Variants in PTPN21 observed in about 807,000 individuals in gnomAD.
The protein encoded by PTPN21 is tyrosine-protein phosphatase non-receptor type 21.
In PTPN21, 77 loss-of-function variants were observed where a neutral mutation model predicts 131.8. The ratio of observed to expected loss-of-function variants is 0.58; its 90% CI spans 0.49 to 0.71. The LOEUF (loss-of-function observed/expected upper bound fraction) is 0.71. Among genes scored for constraint, PTPN21 ranks in the 30% least tolerant of loss-of-function variants. PTPN21 has a pLI of 0.00. For synonymous variants in PTPN21, 715 were observed against 621.3 expected (o/e 1.15, Z -2.24); for missense variants, 1,552 against 1,527.1 (o/e 1.02, Z -0.27).
chr14:88,520,576 A>T (rs1455484346), intron 2 of PTPN21, among the ~76,000 whole-genome samples: 2 of 152,228 alleles, frequency 1.3e-5, no homozygotes, highest in African/African-American at 4.8e-5. Flanking sequence ...TATGTATCAT[A>T]CATTTATAGA....
At chr14:88,515,940 T>C (rs902823916) in intron 3 of PTPN21, among the ~76,000 whole-genome samples, 9 of 152,224 alleles carry the variant, frequency 5.9e-5, no homozygotes, top group African/African-American at 9.6e-5. Flanking sequence ...CTCAGACTTT[T>C]ACAGTCAGTT....
intron 10 of PTPN21, among the ~76,000 whole-genome samples, chr14:88,492,064 A>C (rs1204086399): frequency 2.0e-5 from 3 of 152,032 alleles, no homozygotes; most frequent in Admixed American, 1.3e-4. Context: ...ACAAACAAAC[A>C]AAAAACAGGC....
chr14:88,550,751 C>T (rs1228722216), intron 1 of PTPN21, 132 bp from the exon 2 acceptor site: 2 of 228,702 alleles, frequency 8.7e-6, no homozygotes, highest in African/African-American at 4.5e-5. Context: ...TAACAGGACC[C>T]GGAAGGCAGG....
In PTPN21 at chr14:88,479,427, G is replaced by C; in HGVS notation, c.2004C>G (p.Ala668=). 6.2e-7 allele frequency: 1 copy of C among 1,601,998 alleles called. No individual in the cohort carries two copies. The highest frequency in any genetic ancestry group is 1.1e-5 in the South Asian group (1 of 91,022). ...SASAAEVAPR[A]VSVGSQPSVF... The stretch of plus-strand genomic sequence containing the variant: ...CGCTGGGCTGGGAGCCCACCGAGAC[G>C]GCTCGCGGCGCCACCTCTGCCGCCG... Residue 668 remains alanine, a synonymous_variant, in exon 13 of 19, where the codon GCC becomes GCG. Coordinates refer to ENST00000556564, the MANE Select transcript of PTPN21 (RefSeq NM_007039.4).
At chr14:88,538,236 A>G (rs1476547958) in intron 2 of PTPN21, among the ~76,000 whole-genome samples, 2 of 152,260 alleles carry the variant, frequency 1.3e-5, no homozygotes, top group Non-Finnish European at 2.9e-5. Context: ...AAAGGCAGCC[A>G]GCACTTCAAC....
chr14:88,495,528 C>T (rs558259464), intron 10 of PTPN21, among the ~76,000 whole-genome samples: 6 of 152,178 alleles, frequency 3.9e-5, no homozygotes, highest in East Asian at 1.9e-4. Flanking sequence ...GGTGTGGTGG[C>T]GCATGCCTGT....
intron 3 of PTPN21, among the ~76,000 whole-genome samples, chr14:88,512,020 T>A (rs7148595): frequency 0.055 from 8,364 of 152,034 alleles, 357 homozygotes; most frequent in South Asian, 0.12. Flanking sequence ...GGCATCGGCA[T>A]TTTTATTTTT....
At position 88,467,883 on chromosome 14, in the gene PTPN21, A is replaced by G. The variant is rs1186549168; in HGVS notation, c.*254T>C. ...CTCCAAAATGTGTGCAAGTACTGCA[A>G]ACCGGACAGACCGGGGCAGGGCAAG... On this transcript the variant is annotated 3_prime_UTR_variant, in exon 19 of 19. Coordinates refer to ENST00000556564, the MANE Select transcript of PTPN21 (RefSeq NM_007039.4). 1.9e-6 allele frequency: 1 copy of G among 518,376 alleles called. No individual in the cohort carries two copies. Among genetic ancestry groups the G allele is most frequent in the Admixed American group, 3.6e-5 (1 of 27,410 alleles). 32.1% of individuals were successfully genotyped at this position (518,376 alleles called of 1,614,324 possible).
rs1264745697 is a variant in PTPN21 at position 88,469,751 on chromosome 14, G to A, written c.3001-18C>T. ...CCACCCTCCTGTTAAAGATGAGCAT[G>A]GTTAAATGACTCGAGATCCGGCAAT... On this transcript the variant is annotated intron_variant, in intron 16 of 18. Transcript: ENST00000556564. The surrounding 1 kb of genome is among the most constrained non-coding windows in gnomAD (Gnocchi z 4.3). 2.5e-6 allele frequency: 4 copies of A among 1,612,118 alleles called. No homozygotes were observed. The highest frequency in any genetic ancestry group is 4.5e-5 in the East Asian group (2 of 44,886).
intron 10 of PTPN21, among the ~76,000 whole-genome samples, chr14:88,488,539 C>A (rs1297726876): frequency 6.6e-6 from 1 of 152,150 alleles, no homozygotes; most frequent in Non-Finnish European, 1.5e-5. Context: ...AAGAGAAAAC[C>A]ATGTAACTGT....
At position 88,507,964 on chromosome 14, in the gene PTPN21, G is replaced by T; in HGVS notation, c.407C>A (p.Thr136Asn). 1 of 1,607,690 alleles carries T rather than the reference G, an allele frequency of 6.2e-7. No homozygotes were observed. The change falls in exon 4 of 19, where the codon ACC becomes AAC. Residue 136 changes from threonine (T) to asparagine (N), a missense_variant. Physicochemically the swap from Thr to Asn is moderately conservative, Grantham distance 65. Transcript: ENST00000556564. Reference protein sequence around the residue: ...KDILEGSIPCTLEQAIQLAGL... With the variant: ...KDILEGSIPCNLEQAIQLAGL... ...TGCTAGCTGAATTGCTTGTTCTAAG[G>T]TACAAGGAATACTTCCTTCCAAGAT... is the stretch of plus-strand genomic sequence containing the variant.
Position 88,479,200 on chromosome 14 carries a change from G to C in PTPN21, c.2231C>G (p.Pro744Arg). 1 of 1,579,458 alleles carries C rather than the reference G, an allele frequency of 6.3e-7. No individual in the cohort carries two copies. Among genetic ancestry groups the C allele is most frequent in the Non-Finnish European group, 8.6e-7 (1 of 1,164,662 alleles). Reference protein sequence around the residue: ...EPRPGLAQDPPGCPRVLLAGP... With the variant: ...EPRPGLAQDPRGCPRVLLAGP... ...GGCGAGCAGGACGCGAGGGCAGCCA[G>C]GTGGGTCCTGGGCCAGGCCGGGCCG... Residue 744 changes from proline (P) to arginine (R), a missense_variant, in exon 13 of 19, where the codon CCT becomes CGT. By Grantham distance (103) the Pro-to-Arg change is moderately radical. This residue lies in a region of PTPN21 where 1,016 missense variants were observed against 883.5 expected (regional missense o/e 1.15). Coordinates refer to ENST00000556564, the MANE Select transcript of PTPN21 (RefSeq NM_007039.4).
intron 13 of PTPN21, among the ~76,000 whole-genome samples, chr14:88,477,845 G>C (rs537947843): frequency 5.3e-5 from 8 of 152,268 alleles, no homozygotes; most frequent in African/African-American, 1.9e-4. Context: ...TTCATGACAA[G>C]GCCGCAGATG....
chr14:88,516,868 T>G (rs2078279018), intron 3 of PTPN21, among the ~76,000 whole-genome samples: 1 of 152,146 alleles, frequency 6.6e-6, no homozygotes, highest in Admixed American at 6.5e-5. Context: ...AATCCATCAT[T>G]TTTCCCTTTA....
intron 13 of PTPN21, among the ~76,000 whole-genome samples, chr14:88,476,370 T>C (rs1440758009): frequency 6.6e-6 from 1 of 152,204 alleles, no homozygotes; most frequent in Non-Finnish European, 1.5e-5. Flanking sequence ...ACCTCATTTT[T>C]ATCCCCCCAA....
intron 10 of PTPN21, among the ~76,000 whole-genome samples, chr14:88,490,065 GTGGT>G (rs2077800096): frequency 6.6e-6 from 1 of 151,294 alleles, no homozygotes; most frequent in Non-Finnish European, 1.5e-5. Flanking sequence ...CTGAAATGCA[GTGGT>G]GCGATCCTGG....
At chr14:88,522,152 C>A (rs1424857373) in intron 2 of PTPN21, among the ~76,000 whole-genome samples, 2 of 152,064 alleles carry the variant, frequency 1.3e-5, no homozygotes, top group East Asian at 3.9e-4. Flanking sequence ...TTAGGCCGGG[C>A]GTGGTGGATT....
Position 88,472,431 on chromosome 14 carries a change from A to T in PTPN21, c.2684T>A (p.Met895Lys). ...AATTCTTTCATATTCTGTGAATACCATTCCTTGTTCTAATCGTTGTTCCAG... is the reference window on the plus strand; with the variant it reads ...AATTCTTTCATATTCTGTGAATACCTTTCCTTGTTCTAATCGTTGTTCCAG... The part of the protein sequence containing the change: ...KILEQRLEQG[M>K]VFTEYERILK... Residue 895 changes from methionine (M) to lysine (K), a missense_variant, in exon 15 of 19, where the codon ATG becomes AAG. Physicochemically the swap from Met to Lys is moderately conservative, Grantham distance 95 (BLOSUM62 -1). Coordinates refer to ENST00000556564, the MANE Select transcript of PTPN21 (RefSeq NM_007039.4). 6.2e-7 allele frequency: 1 copy of T among 1,613,760 alleles called. No individual in the cohort carries two copies.
chr14:88,494,559 G>C (rs1236402728), intron 10 of PTPN21, among the ~76,000 whole-genome samples: 1 of 152,126 alleles, frequency 6.6e-6, no homozygotes, highest in Non-Finnish European at 1.5e-5. Flanking sequence ...CTACTCAGGA[G>C]GCTGAGGTGG....
Sources: allele counts gnomAD v4.1 joint callset (sites outside exome capture counted in the v4.1 genomes callset), GRCh38; gene constraint gnomAD v4.1.1; regional missense constraint gnomAD v4.1.1; non-coding constraint Gnocchi (gnomAD v3.1); transcripts MANE v1.5; gene names NCBI Gene and HGNC (gene_info 2026-07-23, HGNC 2026-07-21).